The following GRK1 variants were observed in gnomAD, a reference collection of about 807,000 sequenced individuals.
GRK1 encodes the protein rhodopsin kinase GRK1.
In GRK1, 28 loss-of-function variants were observed where a neutral mutation model predicts 41.7. The ratio of observed to expected loss-of-function variants is 0.67; its 90% CI spans 0.50 to 0.92. GRK1 has a LOEUF of 0.92. Ranked by LOEUF, GRK1 falls within the 40% of genes least tolerant of loss-of-function variation. The pLI, the probability that GRK1 is intolerant of heterozygous loss-of-function variation, is 0.00. For synonymous variants in GRK1, 327 were observed against 286.7 expected, an observed-to-expected ratio of 1.14 and a Z score of -1.42; for missense variants, 703 against 671.2, an observed-to-expected ratio of 1.05 and a Z score of -0.52.
chr13:113,654,738 C>A, the GRK1 span: 1 of 1,531,478 alleles, frequency 6.5e-7, no homozygotes, highest in Admixed American at 2.0e-5. Flanking sequence ...GCACGGGTCC[C>A]CCGGGCGTCT....
At chr13:113,649,053 G>C in the GRK1 span, 2 of 188,810 alleles carry the variant, frequency 1.1e-5, no homozygotes, top group African/African-American at 4.7e-5. This position sits in a 1 kb window ranked among gnomAD's most constrained non-coding sequence, Gnocchi z 4.7. Context: ...TAGTAAGAAA[G>C]TGATGTCTAC....
chr13:113,672,430 TGGTGTGTGTGGTATGTGTGGTA>T, intron 3 of GRK1, among the ~76,000 whole-genome samples: 1 of 151,458 alleles, frequency 6.6e-6, no homozygotes, highest in African/African-American at 2.4e-5. Flanking sequence ...GTTCGTGGTG[TGGTGTGTGTGGTATGTGTGGTA>T]TTGTGTGTGG....
rs866400179 is a variant in GRK1, at chr13:113,728,249, G to A, written c.1070-2970G>A. On this transcript the variant is annotated intron_variant, in intron 4 of 6. Coordinates refer to ENST00000335678, the MANE Select transcript of GRK1 (RefSeq NM_002929.3). ...ACCCATGGCGAGGAGTACCCATGGCGATGAGGAGTACCCATGGCGATGAGG... is the reference window on the plus strand; with the variant it reads ...ACCCATGGCGAGGAGTACCCATGGCAATGAGGAGTACCCATGGCGATGAGG... Among the ~76,000 whole-genome samples the A allele has an allele frequency of 9.0e-3, 774 of 86,474 alleles. 28 individuals carry two copies. Among genetic ancestry groups the A allele is most frequent in the African/African-American group, 0.055 (694 of 12,654 alleles). 56.7% of individuals were successfully genotyped at this position (86,474 alleles called of 152,430 possible).
chr13:113,670,666 GTGT>G (rs2049850318), intron 2 of GRK1, among the ~76,000 whole-genome samples: 2 of 52,894 alleles, frequency 3.8e-5, no homozygotes, highest in Non-Finnish European at 1.1e-4. Context: ...AGACACAGGG[GTGT>G]CCAGGCGGAG....
chr13:113,656,392 C>T, the GRK1 span, among the ~76,000 whole-genome samples: 47 of 152,314 alleles, frequency 3.1e-4, no homozygotes, highest in African/African-American at 1.1e-3. Flanking sequence ...GGCTGCTGAC[C>T]CACTCTGTGG....
At chr13:113,664,738 T>G (rs2049807152), upstream of GRK1, among the ~76,000 whole-genome samples, 1 of 151,730 alleles carries the variant, frequency 6.6e-6, no homozygotes, top group Non-Finnish European at 1.5e-5. The surrounding 1 kb of genome is among the most constrained non-coding windows in gnomAD (Gnocchi z 5.4). Flanking sequence ...AAGCAGACTC[T>G]TTATTCCAGC....
rs2049860112 is a variant in GRK1, at chr13:113,671,843, G to C, written c.985+187G>C. 2.0e-5 allele frequency among the ~76,000 whole-genome samples: 3 copies of C among 152,148 alleles called. No homozygotes were observed. Among genetic ancestry groups the C allele is most frequent in the African/African-American group, 7.2e-5 (3 of 41,418 alleles). The stretch of plus-strand genomic sequence containing the variant: ...CCAGGAGTCACAGGAGTGAGTGCAG[G>C]GGTCTGTGGTGCAGAACCAGCTGGG... On this transcript the variant is annotated intron_variant, in intron 3 of 6. Coordinates refer to ENST00000335678, the MANE Select transcript of GRK1 (RefSeq NM_002929.3). The surrounding 1 kb of genome is among the most constrained non-coding windows in gnomAD (Gnocchi z 4.1).
At chr13:113,735,044 G>T in intron 6 of GRK1, 24 bp from the exon 7 acceptor site, 2 of 1,471,742 alleles carry the variant, frequency 1.4e-6, no homozygotes, top group Non-Finnish European at 1.8e-6. Context: ...GGAGCCTGGC[G>T]TCTGTGTTTT....
rs1440773866 is a variant in GRK1 at position 113,671,395 on chromosome 13, G to C, written c.828-104G>C. 5 of 742,918 alleles carry C rather than the reference G, an allele frequency of 6.7e-6. No individual in the cohort carries two copies. The East Asian group carries it at 1.2e-4, about 18-fold the overall frequency. The allele number at this position is 742,918 out of a possible 1,614,324, so 46.0% of individuals were successfully genotyped here. The stretch of plus-strand genomic sequence containing the variant: ...GGGGGGCCAGGCCTCAAAACGACCA[G>C]AACGCTGGCCGAGAGACATGGTTCT... On this transcript the variant is annotated intron_variant, in intron 2 of 6. Transcript: ENST00000335678. The surrounding 1 kb of genome is among the most constrained non-coding windows in gnomAD (Gnocchi z 4.1).
rs773286953 is a variant in GRK1, at chr13:113,671,620, G to A, written c.949G>A (p.Asp317Asn). Reference sequence around the variant, plus strand: ...GCACCAGAGGCGGATCGTCTACCGCGACCTCAAGCCCGAGAACGTGCTGCT... The same window carrying A: ...GCACCAGAGGCGGATCGTCTACCGCAACCTCAAGCCCGAGAACGTGCTGCT... ...HLHQRRIVYR[D>N]LKPENVLLDN... Residue 317 changes from aspartate (D) to asparagine (N), a missense_variant, in exon 3 of 7, where the codon GAC becomes AAC. Transcript: ENST00000335678. The surrounding 1 kb of genome is among the most constrained non-coding windows in gnomAD (Gnocchi z 4.1). 9.1e-6 allele frequency: 7 copies of A among 770,554 alleles called. No individual in the cohort carries two copies. Among genetic ancestry groups the A allele is most frequent in the African/African-American group, 1.7e-5 (1 of 59,226 alleles). The allele number at this position is 770,554 out of a possible 1,614,324, so 47.7% of individuals were successfully genotyped here.
intron 2 of GRK1, among the ~76,000 whole-genome samples, chr13:113,670,261 A>G (rs2049848008): frequency 6.6e-6 from 1 of 151,966 alleles, no homozygotes; most frequent in Non-Finnish European, 1.5e-5. Context: ...GGCAGAGAGG[A>G]GGTGGCGCTG....
the GRK1 span, chr13:113,651,758 C>G: frequency 6.2e-7 from 1 of 1,608,888 alleles, no homozygotes; most frequent in South Asian, 1.1e-5. Flanking sequence ...CGTGGCCGCT[C>G]CCCACCCCCA....
chr13:113,653,156 G>C, the GRK1 span: 1 of 1,500,606 alleles, frequency 6.7e-7, no homozygotes, highest in Non-Finnish European at 9.0e-7. Flanking sequence ...CAAGCCCTGA[G>C]TGCGAGTTTC....
the GRK1 span, among the ~76,000 whole-genome samples, chr13:113,661,247 A>G: frequency 6.6e-6 from 1 of 152,216 alleles, no homozygotes; most frequent in Non-Finnish European, 1.5e-5. Context: ...TCTAATACTC[A>G]TGAGTCAAAA....
chr13:113,648,647 G>A, the GRK1 span, among the ~76,000 whole-genome samples: 1 of 152,218 alleles, frequency 6.6e-6, no homozygotes, highest in Non-Finnish European at 1.5e-5. Flanking sequence ...AACGAGAAGT[G>A]TGTTTGTAAC....
At chr13:113,653,089 C>G in the GRK1 span, 3 of 1,600,050 alleles carry the variant, frequency 1.9e-6, no homozygotes, top group Non-Finnish European at 2.6e-6. Flanking sequence ...ACGGACGCAC[C>G]TGCCAGCCCT....
At chr13:113,657,331 C>T in the GRK1 span, among the ~76,000 whole-genome samples, 4 of 152,350 alleles carry the variant, frequency 2.6e-5, no homozygotes, top group East Asian at 5.8e-4. Context: ...GAGGTGGGGG[C>T]GCACAGGTGC....
the GRK1 span, among the ~76,000 whole-genome samples, chr13:113,658,888 T>C: frequency 3.9e-4 from 60 of 152,218 alleles, no homozygotes; most frequent in African/African-American, 1.4e-3. Context: ...ACAGGAGCCC[T>C]GAGCATCTGT....
Position 113,668,003 on chromosome 13 carries a change from C to T in GRK1, c.617C>T (p.Ala206Val). The change falls in exon 1 of 7, where the codon GCC becomes GTC. Residue 206 changes from alanine to valine, a missense_variant. Transcript: ENST00000335678. ...AAAGGGGGCTTCGGGGAGGTGTCGGCCTGCCAGATGAAGGCGACCGGCAAG... is the reference window on the plus strand; with the variant it reads ...AAAGGGGGCTTCGGGGAGGTGTCGGTCTGCCAGATGAAGGCGACCGGCAAG... ...LGKGGFGEVSACQMKATGKLY... is the reference protein window; with the variant it reads ...LGKGGFGEVSVCQMKATGKLY... The T allele has an allele frequency of 6.2e-7, 1 of 1,611,592 alleles. No homozygotes were observed. The highest frequency in any genetic ancestry group is 8.5e-7 in the Non-Finnish European group (1 of 1,179,024).
Sources: allele counts gnomAD v4.1 joint callset (sites outside exome capture counted in the v4.1 genomes callset), GRCh38; gene constraint gnomAD v4.1.1; non-coding constraint Gnocchi (gnomAD v3.1); transcripts MANE v1.5; gene names NCBI Gene and HGNC (gene_info 2026-07-23, HGNC 2026-07-21).